Variants in RAPGEF1 observed in about 807,000 individuals in gnomAD.
The protein encoded by RAPGEF1 is Rap guanine nucleotide exchange factor 1.
Under a neutral mutation model 143.3 loss-of-function variants are expected in RAPGEF1, and 33 were observed. That is an observed-to-expected ratio of 0.23 (90% CI 0.17 to 0.31). The LOEUF (loss-of-function observed/expected upper bound fraction) is 0.31, where lower values mean the gene tolerates loss of function less well. Among genes scored for constraint, RAPGEF1 ranks in the 10% least tolerant of loss-of-function variants. The pLI, the probability that RAPGEF1 is intolerant of heterozygous loss-of-function variation, is 1.00. For missense variants in RAPGEF1, 1,199 were observed against 1,645.4 expected (o/e 0.73, Z 4.69); for synonymous variants, 629 against 676.5 (o/e 0.93, Z 1.09).
At chr9:131,593,207 C>T (rs1258136099) in intron 17 of RAPGEF1, among the ~76,000 whole-genome samples, 2 of 152,216 alleles carry the variant, frequency 1.3e-5, no homozygotes, top group South Asian at 4.1e-4. Flanking sequence ...TACCCCTCAC[C>T]TCTCCATGCC....
rs1588807269 is a variant in RAPGEF1, at chr9:131,655,069, T to C, written c.62-4120A>G. The stretch of plus-strand genomic sequence containing the variant: ...AAATAGCACGGCACCTTGCACTACA[T>C]GGCTCTCACTCTGTCTACTATTGCT... On this transcript the variant is annotated intron_variant, in intron 1 of 26. Coordinates refer to ENST00000683357, the MANE Select transcript of RAPGEF1 (RefSeq NM_001377935.1). This position sits in a 1 kb window ranked among gnomAD's most constrained non-coding sequence, Gnocchi z 4.1. 6.6e-6 allele frequency among the ~76,000 whole-genome samples: 1 copy of C among 152,338 alleles called. No individual in the cohort carries two copies. The highest frequency in any genetic ancestry group is 2.4e-5 in the African/African-American group (1 of 41,582).
rs564846913 is a variant in RAPGEF1, at chr9:131,651,151, G to A, written c.62-202C>T. ...TTTGCAATTTTCATCAAGGAATTGT[G>A]GAAATCAAAGGCAGTCCAAATAAAT... is the stretch of plus-strand genomic sequence containing the variant. On this transcript the variant is annotated intron_variant, in intron 1 of 26. Coordinates refer to ENST00000683357, the MANE Select transcript of RAPGEF1 (RefSeq NM_001377935.1). Among the ~76,000 whole-genome samples the A allele has an allele frequency of 2.0e-5, 3 of 152,252 alleles. No homozygotes were observed. The East Asian group carries it at 5.8e-4, about 29-fold the overall frequency.
intron 5 of RAPGEF1, among the ~76,000 whole-genome samples, chr9:131,633,987 C>G (rs979298186): frequency 6.6e-6 from 1 of 152,194 alleles, no homozygotes; most frequent in Non-Finnish European, 1.5e-5. Context: ...AAAGGCCAGA[C>G]GTGGTTGCTC....
At chr9:131,601,308 A>G (rs1464358038) in intron 15 of RAPGEF1, among the ~76,000 whole-genome samples, 1 of 152,208 alleles carries the variant, frequency 6.6e-6, no homozygotes, top group Non-Finnish European at 1.5e-5. Context: ...ACATGCACAC[A>G]TATGTCTAGA....
intron 1 of RAPGEF1, among the ~76,000 whole-genome samples, chr9:131,733,054 G>A (rs1837183401): frequency 6.6e-6 from 1 of 152,150 alleles, no homozygotes; most frequent in Non-Finnish European, 1.5e-5. Flanking sequence ...AGTTGATTTT[G>A]GTAGAGGCAG....
chr9:131,622,082 A>G, intron 10 of RAPGEF1, 84 bp from the exon 11 acceptor site: 1 of 1,346,652 alleles, frequency 7.4e-7, no homozygotes, highest in East Asian at 2.5e-5. Flanking sequence ...CACAGCAGCT[A>G]GGGGGCTTTC....
chr9:131,640,568 A>T (rs1403143741), intron 4 of RAPGEF1, among the ~76,000 whole-genome samples: 4 of 151,998 alleles, frequency 2.6e-5, no homozygotes, highest in Non-Finnish European at 5.9e-5. Flanking sequence ...CAGTTCCACA[A>T]TGGAGCAAAG....
chr9:131,710,099 A>G lies in RAPGEF1; in HGVS notation c.61+29671T>C, dbSNP rs563873128. 5.1e-5 allele frequency: 17 copies of G among 331,856 alleles called. No homozygotes were observed. The East Asian group carries it at 2.9e-3, about 56-fold the overall frequency. 20.6% of individuals were successfully genotyped at this position (331,856 alleles called of 1,614,324 possible). A position where few individuals can be genotyped will look rare whatever the true frequency, so the allele number is the denominator to read the frequency against. ...GGAATCAGGTGATCAAAATGCTGAA[A>G]GTCATAAATGAACCATTCTGGGGCA... On this transcript the variant is annotated intron_variant, in intron 1 of 26. Coordinates refer to ENST00000683357, the MANE Select transcript of RAPGEF1 (RefSeq NM_001377935.1).
chr9:131,722,825 C>T (rs1836362599), intron 1 of RAPGEF1, among the ~76,000 whole-genome samples: 1 of 151,962 alleles, frequency 6.6e-6, no homozygotes, highest in Non-Finnish European at 1.5e-5. Flanking sequence ...ATGATCACAC[C>T]ACTGCACTCC....
chr9:131,721,714 A>G (rs1315433845), intron 1 of RAPGEF1, among the ~76,000 whole-genome samples: 2 of 152,218 alleles, frequency 1.3e-5, no homozygotes, highest in East Asian at 3.8e-4. Flanking sequence ...GGCAAAAAAA[A>G]AAAATGGATG....
intron 1 of RAPGEF1, among the ~76,000 whole-genome samples, chr9:131,715,293 G>A (rs1226446633): frequency 6.6e-6 from 1 of 152,152 alleles, no homozygotes; most frequent in Non-Finnish European, 1.5e-5. Flanking sequence ...CGCATGTCTA[G>A]CAGGGCGACC....
At chr9:131,596,506 G>A (rs868473558) in intron 16 of RAPGEF1, 133 bp from the exon 17 acceptor site, 10 of 895,542 alleles carry the variant, frequency 1.1e-5, no homozygotes, top group Middle Eastern at 4.3e-4. Context: ...TGTGCTCCTC[G>A]GCCCAGGAGC....
intron 1 of RAPGEF1, among the ~76,000 whole-genome samples, chr9:131,651,607 T>C (rs113045327): frequency 7.5e-4 from 115 of 152,330 alleles, no homozygotes; most frequent in African/African-American, 2.5e-3. Flanking sequence ...CATGTTTTCT[T>C]AGATACAAAA....
At chr9:131,660,547 T>A (rs1029097753) in intron 1 of RAPGEF1, among the ~76,000 whole-genome samples, 7 of 152,124 alleles carry the variant, frequency 4.6e-5, no homozygotes, top group Non-Finnish European at 8.8e-5. Flanking sequence ...ATTTATGCAG[T>A]CAGGCCCCCG....
rs1284267723 is a variant in RAPGEF1, at chr9:131,641,985, A to C, written c.494+1254T>G. On this transcript the variant is annotated intron_variant, in intron 4 of 26. Transcript: ENST00000683357. This position sits in a 1 kb window ranked among gnomAD's most constrained non-coding sequence, Gnocchi z 4.6. The stretch of plus-strand genomic sequence containing the variant: ...AAGCAGTTCATAAAAGCTTAGCCTC[A>C]TGGGGCTAAATGAACACTAAGTCAT... Among the ~76,000 whole-genome samples the C allele has an allele frequency of 6.6e-6, 1 of 152,244 alleles. No homozygotes were observed. The highest frequency in any genetic ancestry group is 1.5e-5 in the Non-Finnish European group (1 of 68,038).
chr9:131,713,600 T>C (rs1212392000), intron 1 of RAPGEF1, among the ~76,000 whole-genome samples: 1 of 152,234 alleles, frequency 6.6e-6, no homozygotes, highest in African/African-American at 2.4e-5. Context: ...TATTTTCACA[T>C]ACATTCATGT....
chr9:131,719,593 C>CT (rs1361747476), intron 1 of RAPGEF1, among the ~76,000 whole-genome samples: 1 of 120,534 alleles, frequency 8.3e-6, no homozygotes, highest in African/African-American at 3.3e-5. Flanking sequence ...CAGTCTCACT[C>CT]TGTCACCCGG....
chr9:131,586,775 T>C (rs1354626517), intron 22 of RAPGEF1, among the ~76,000 whole-genome samples: 1 of 47,652 alleles, frequency 2.1e-5, no homozygotes, highest in Non-Finnish European at 3.6e-5. Flanking sequence ...CACACACACC[T>C]GCAGAGCGAG....
chr9:131,598,178 C>T (rs1955623669), intron 16 of RAPGEF1, 21 bp downstream of exon 16: 2 of 1,603,810 alleles, frequency 1.2e-6, no homozygotes, highest in Non-Finnish European at 1.7e-6. Context: ...GCTGCAAAGC[C>T]CCAGCCCGGG....
Sources: gnomAD v4.1 joint callset for allele counts (sites outside exome capture counted in the v4.1 genomes callset) on GRCh38, gnomAD v4.1.1 for gene constraint, Gnocchi (gnomAD v3.1) non-coding constraint, MANE v1.5 for transcripts, NCBI Gene and HGNC (gene_info 2026-07-23, HGNC 2026-07-21) for gene names.